The following ABCC9 variants were observed in gnomAD, a reference collection of about 807,000 sequenced individuals.
The protein encoded by ABCC9 is ATP-binding cassette sub-family C member 9.
A neutral mutation model predicts 188.3 loss-of-function variants in ABCC9; 95 were observed. The ratio of observed to expected loss-of-function variants is 0.50; its 90% CI spans 0.43 to 0.60. ABCC9 has a LOEUF of 0.60. Among genes scored for constraint, ABCC9 ranks in the 20% least tolerant of loss-of-function variants. The probability of loss-of-function intolerance (pLI) is 0.00; values close to 1 mark genes in which losing one functional copy is unlikely to be tolerated. For synonymous variants in ABCC9, 659 were observed against 652.7 expected, an observed-to-expected ratio of 1.01 and a Z score of -0.15; for missense variants, 1,102 against 1,876.3, an observed-to-expected ratio of 0.59 and a Z score of 7.62.
intron 12 of ABCC9, among the ~76,000 whole-genome samples, chr12:21,895,572 A>G (rs1947359148): frequency 6.6e-6 from 1 of 152,226 alleles, no homozygotes; most frequent in Non-Finnish European, 1.5e-5. Context: ...TTACAAACAA[A>G]AGAATCCATA....
intron 14 of ABCC9, 135 bp from the exon 15 acceptor site, chr12:21,888,069 T>G (rs1194544535): frequency 1.4e-6 from 1 of 720,034 alleles, no homozygotes; most frequent in African/African-American, 1.7e-5. Flanking sequence ...CAAGACCAAC[T>G]GGGAATTCAG....
chr12:21,901,314 T>C (rs548655822), intron 12 of ABCC9, among the ~76,000 whole-genome samples: 51 of 152,108 alleles, frequency 3.4e-4, no homozygotes, highest in African/African-American at 1.2e-3. Flanking sequence ...GCAATAAACA[T>C]GGAAGGGAAC....
chr12:21,911,674 T>C (rs1948329974), intron 8 of ABCC9, among the ~76,000 whole-genome samples: 1 of 152,014 alleles, frequency 6.6e-6, no homozygotes, highest in South Asian at 2.1e-4. Flanking sequence ...CTATTTTCTA[T>C]GATTTAGACC....
chr12:21,859,717 C>T lies in ABCC9; in HGVS notation c.2425-51G>A, dbSNP rs760633381. ...CCATTTTTTAATATTAGTAAATGAT[C>T]TTTTGGTAATATGACCTTAAATTAC... On this transcript the variant is annotated intron_variant, in intron 21 of 39. Transcript: ENST00000261200. The T allele has an allele frequency of 8.1e-6, 12 of 1,480,804 alleles. No homozygotes were observed. The South Asian group carries it at 1.0e-4, about 13-fold the overall frequency. 91.7% of individuals were successfully genotyped at this position (1,480,804 alleles called of 1,614,324 possible).
At chr12:21,817,066 T>A (rs1443739393) in intron 33 of ABCC9, 121 bp downstream of exon 33, 1 of 1,112,446 alleles carries the variant, frequency 9.0e-7, no homozygotes, top group South Asian at 1.3e-5. Flanking sequence ...AGCCAAGATA[T>A]GAGAGAGTTT....
intron 22 of ABCC9, among the ~76,000 whole-genome samples, chr12:21,857,364 C>CTA (rs199506735): frequency 7.3e-5 from 11 of 151,656 alleles, no homozygotes; most frequent in East Asian, 1.9e-4. Flanking sequence ...GAATGTTGAA[C>CTA]TATATATATA....
At chr12:21,864,591 C>A in intron 18 of ABCC9, 114 bp from the exon 19 acceptor site, 1 of 749,406 alleles carries the variant, frequency 1.3e-6, no homozygotes. Flanking sequence ...GAGCACATTT[C>A]CCAAATGGTT....
intron 24 of ABCC9, 34 bp from the exon 25 acceptor site, chr12:21,848,280 T>G: frequency 6.4e-7 from 1 of 1,564,332 alleles, no homozygotes; most frequent in Non-Finnish European, 8.8e-7. Flanking sequence ...TGCAAGGAGC[T>G]AACACCAATA....
At chr12:21,856,699 G>A (rs1945244218) in intron 22 of ABCC9, among the ~76,000 whole-genome samples, 1 of 152,048 alleles carries the variant, frequency 6.6e-6, no homozygotes, top group African/African-American at 2.4e-5. Flanking sequence ...AGATGGCATT[G>A]GGGATGTTCA....
chr12:21,841,601 C>T (rs1434166289), intron 29 of ABCC9, among the ~76,000 whole-genome samples: 1 of 151,794 alleles, frequency 6.6e-6, no homozygotes, highest in East Asian at 1.9e-4. Flanking sequence ...TCACGATCCG[C>T]CCGCCTCAGA....
At chr12:21,862,731 T>C (rs1036496934) in intron 20 of ABCC9, among the ~76,000 whole-genome samples, 1 of 152,126 alleles carries the variant, frequency 6.6e-6, no homozygotes, top group Non-Finnish European at 1.5e-5. Flanking sequence ...TTAGTTTTGG[T>C]GTACAAATTG....
At chr12:21,866,604 C>A (rs750900449) in intron 18 of ABCC9, among the ~76,000 whole-genome samples, 1 of 152,130 alleles carries the variant, frequency 6.6e-6, no homozygotes, top group Non-Finnish European at 1.5e-5. Flanking sequence ...AGAACTAATA[C>A]AATGATTTGC....
At chr12:21,812,379 A>C (rs1018935403) in intron 35 of ABCC9, among the ~76,000 whole-genome samples, 1 of 152,192 alleles carries the variant, frequency 6.6e-6, no homozygotes, top group African/African-American at 2.4e-5. Flanking sequence ...AAATCATTCT[A>C]CTTTAAAGAC....
intron 21 of ABCC9, among the ~76,000 whole-genome samples, chr12:21,860,445 T>A (rs1225250180): frequency 2.0e-5 from 3 of 152,202 alleles, no homozygotes; most frequent in African/African-American, 7.2e-5. Context: ...TGAAAGTAGA[T>A]AATGCATATA....
intron 2 of ABCC9, 86 bp from the exon 3 acceptor site, chr12:21,936,780 A>G (rs1002329510): frequency 2.1e-6 from 2 of 962,666 alleles, no homozygotes; most frequent in East Asian, 2.5e-5. Flanking sequence ...ATAGAGGGCT[A>G]TATCATAAAA....
intron 30 of ABCC9, among the ~76,000 whole-genome samples, chr12:21,833,241 A>G (rs1022159134): frequency 2.6e-5 from 4 of 152,108 alleles, no homozygotes; most frequent in African/African-American, 9.7e-5. Context: ...CCATGTAACA[A>G]AAAATTGCCT....
At chr12:21,938,718 A>T (rs1949588991) in intron 2 of ABCC9, among the ~76,000 whole-genome samples, 1 of 152,200 alleles carries the variant, frequency 6.6e-6, no homozygotes, top group Non-Finnish European at 1.5e-5. Flanking sequence ...TCATTGAGGT[A>T]GATGCTAAAA....
intron 30 of ABCC9, among the ~76,000 whole-genome samples, chr12:21,829,424 A>G (rs938609613): frequency 6.6e-6 from 1 of 151,958 alleles, no homozygotes; most frequent in Non-Finnish European, 1.5e-5. Flanking sequence ...GATGGTCTCG[A>G]TCTCCTGACC....
intron 14 of ABCC9, among the ~76,000 whole-genome samples, chr12:21,889,567 A>G (rs1450663233): frequency 6.6e-6 from 1 of 152,212 alleles, no homozygotes. Flanking sequence ...TGCCTGGCAC[A>G]TGTCATTCAA....
Sources: allele counts gnomAD v4.1 joint callset (sites outside exome capture counted in the v4.1 genomes callset), GRCh38; gene constraint gnomAD v4.1.1; transcripts MANE v1.5; gene names NCBI Gene and HGNC (gene_info 2026-07-23, HGNC 2026-07-21).